BMPER: variants seen among roughly 807,000 people sequenced by gnomAD.
The protein encoded by BMPER is BMP-binding endothelial regulator protein.
BMPER carries 45 observed loss-of-function variants against 87.3 expected under a neutral mutation model. The ratio of observed to expected loss-of-function variants is 0.52; its 90% CI spans 0.41 to 0.66. The LOEUF is 0.66. Ranked by LOEUF, BMPER falls within the 30% of genes least tolerant of loss-of-function variation. BMPER has a pLI of 0.00. For missense variants in BMPER, 784 were observed against 867.5 expected (o/e 0.90, Z 1.21); for synonymous variants, 326 against 316.2 (o/e 1.03, Z -0.33).
At chr7:33,937,982 T>G (rs1460876658) in intron 3 of BMPER, among the ~76,000 whole-genome samples, 5 of 152,172 alleles carry the variant, frequency 3.3e-5, no homozygotes, top group African/African-American at 1.2e-4. Flanking sequence ...TCTCTTGGCC[T>G]TAGTGTGGGT....
chr7:34,132,190 C>G (rs910938822), intron 13 of BMPER, among the ~76,000 whole-genome samples: 4 of 152,082 alleles, frequency 2.6e-5, no homozygotes, highest in African/African-American at 9.7e-5. Context: ...CCTCTAGGGC[C>G]CAGACATGAG....
chr7:33,966,648 C>A, intron 4 of BMPER, 87 bp downstream of exon 4: 2 of 1,262,720 alleles, frequency 1.6e-6, no homozygotes, highest in South Asian at 1.2e-5. Context: ...GAACAAAACC[C>A]TAAAAAGGCC....
intron 6 of BMPER, among the ~76,000 whole-genome samples, chr7:34,006,002 A>G (rs1213579608): frequency 6.6e-6 from 1 of 151,982 alleles, no homozygotes; most frequent in Non-Finnish European, 1.5e-5. Flanking sequence ...GCTTTCCACA[A>G]AGATTCTCTT....
intron 13 of BMPER, among the ~76,000 whole-genome samples, chr7:34,105,339 A>C (rs972533093): frequency 6.6e-6 from 1 of 152,212 alleles, no homozygotes; most frequent in East Asian, 1.9e-4. Flanking sequence ...ACATGCCTTC[A>C]TGTCCTGCTC....
At chr7:33,917,688 A>G (rs534265759) in intron 2 of BMPER, among the ~76,000 whole-genome samples, 6 of 152,342 alleles carry the variant, frequency 3.9e-5, no homozygotes, top group Non-Finnish European at 7.3e-5. Flanking sequence ...AATAAGGAAG[A>G]TAATGATCAT....
Position 34,086,982 on chromosome 7 carries a change from C to T in BMPER, c.1745+890C>T, listed in dbSNP as rs548849197. On this transcript the variant is annotated intron_variant, in intron 13 of 14. Coordinates refer to ENST00000649409, the MANE Select transcript of BMPER (RefSeq NM_001365308.1). ...TGTGCCTCTTAAAATTAGAAAACTCCTGTGGTCTGAAGCCACAGAGAGGTT... is the reference window on the plus strand; with the variant it reads ...TGTGCCTCTTAAAATTAGAAAACTCTTGTGGTCTGAAGCCACAGAGAGGTT... Among the ~76,000 whole-genome samples, 21 of 152,318 alleles carry T rather than the reference C, an allele frequency of 1.4e-4. No homozygotes were observed. In the South Asian group the frequency reaches 4.1e-3, roughly 30 times the overall value.
chr7:34,047,791 C>T (rs532777923), intron 7 of BMPER, among the ~76,000 whole-genome samples: 16 of 141,166 alleles, frequency 1.1e-4, no homozygotes, highest in South Asian at 2.5e-4. Context: ...ATTTTCTTTC[C>T]TTCCTTCCTT....
chr7:34,031,007 T>G (rs747223235), intron 6 of BMPER, among the ~76,000 whole-genome samples: 17 of 152,238 alleles, frequency 1.1e-4, no homozygotes, highest in Non-Finnish European at 2.1e-4. Flanking sequence ...TCTCATTGTC[T>G]TTCACGTTAG....
chr7:34,085,785 T>C lies in BMPER; in HGVS notation c.1438T>C (p.Phe480Leu), dbSNP rs201677379. 1.2e-5 allele frequency: 19 copies of C among 1,614,066 alleles called. No homozygotes were observed. Among genetic ancestry groups the C allele is most frequent in the Admixed American group, 3.3e-5 (2 of 60,010 alleles). ...GLEISWDGDS[F>L]VEVMAAPHLK... ...GGAAATATCTTGGGATGGAGACAGT[T>C]TTGTAGAAGTCATGGCTGCGCCGCA... The change falls in exon 13 of 15, where the codon TTT (phenylalanine) becomes CTT (leucine). Residue 480 changes from phenylalanine to leucine, a missense_variant. Coordinates refer to ENST00000649409, the MANE Select transcript of BMPER (RefSeq NM_001365308.1).
At chr7:34,019,586 G>A (rs1302314715) in intron 6 of BMPER, among the ~76,000 whole-genome samples, 1 of 152,044 alleles carries the variant, frequency 6.6e-6, no homozygotes, top group Admixed American at 6.6e-5. Flanking sequence ...AGGTACAAAA[G>A]CATCTCTCTC....
At chr7:33,952,114 G>C (rs1227292612) in intron 3 of BMPER, among the ~76,000 whole-genome samples, 1 of 152,128 alleles carries the variant, frequency 6.6e-6, no homozygotes, top group African/African-American at 2.4e-5. Context: ...TTTGTGCAAA[G>C]CCACCAGTAA....
chr7:33,991,768 C>T (rs1440024594), intron 6 of BMPER, among the ~76,000 whole-genome samples: 5 of 148,242 alleles, frequency 3.4e-5, no homozygotes, highest in African/African-American at 7.5e-5. Flanking sequence ...CTATAAATTT[C>T]CCTCTACACA....
At chr7:33,963,419 T>A in intron 3 of BMPER, among the ~76,000 whole-genome samples, 1 of 152,180 alleles carries the variant, frequency 6.6e-6, no homozygotes, top group African/African-American at 2.4e-5. Flanking sequence ...GGCTTATATT[T>A]TGTCTCTTTG....
chr7:34,134,182 C>T (rs1452618542), intron 13 of BMPER, among the ~76,000 whole-genome samples: 2 of 152,042 alleles, frequency 1.3e-5, no homozygotes, highest in East Asian at 3.9e-4. Flanking sequence ...GTTCACCAGC[C>T]TTACAATTGT....
chr7:34,077,088 A>C (rs1205912550), intron 11 of BMPER, among the ~76,000 whole-genome samples: 1 of 152,184 alleles, frequency 6.6e-6, no homozygotes. Flanking sequence ...TCCTGATGCC[A>C]CTTGGGGTCC....
chr7:34,051,631 G>A (rs1251267283), intron 7 of BMPER, among the ~76,000 whole-genome samples: 1 of 152,090 alleles, frequency 6.6e-6, no homozygotes, highest in Non-Finnish European at 1.5e-5. Flanking sequence ...TTATAGATTT[G>A]TTGAACTTAC....
intron 1 of BMPER, 151 bp downstream of exon 1, chr7:33,905,897 G>A (rs754636347): frequency 2.9e-5 from 33 of 1,124,750 alleles, no homozygotes; most frequent in South Asian, 1.4e-4. Context: ...GCGAAGCCCC[G>A]GGAGGGCTGG....
At chr7:33,927,006 C>CG (rs778233218) in intron 2 of BMPER, among the ~76,000 whole-genome samples, 22 of 152,186 alleles carry the variant, frequency 1.4e-4, no homozygotes, top group Non-Finnish European at 2.8e-4. Context: ...CTTTTCATCC[C>CG]GGGGGGACCT....
upstream of BMPER, chr7:33,905,437 CT>C: frequency 1.9e-5 from 4 of 207,710 alleles, no homozygotes; most frequent in South Asian, 5.8e-5. Flanking sequence ...ACCTTGGTCT[CT>C]CCCCCCGCCC....
Sources: gnomAD v4.1 joint callset for allele counts (sites outside exome capture counted in the v4.1 genomes callset) on GRCh38, gnomAD v4.1.1 for gene constraint, MANE v1.5 for transcripts, NCBI Gene and HGNC (gene_info 2026-07-23, HGNC 2026-07-21) for gene names.